SV2B: variants seen among roughly 807,000 people sequenced by gnomAD.
SV2B encodes the protein synaptic vesicle glycoprotein 2B.
In SV2B, 41 loss-of-function variants were observed where a neutral mutation model predicts 73.9. The observed-to-expected ratio is 0.56, with a 90% CI of 0.43 to 0.72. The LOEUF (loss-of-function observed/expected upper bound fraction) is 0.72, where lower values mean the gene tolerates loss of function less well. Among genes scored for constraint, SV2B ranks in the 30% least tolerant of loss-of-function variants. The pLI, the probability that SV2B is intolerant of heterozygous loss-of-function variation, is 0.00. For synonymous variants in SV2B, 314 were observed against 314.2 expected (o/e 1.00, Z 0.01); for missense variants, 764 against 857.8 (o/e 0.89, Z 1.37).
chr15:91,225,170 G>A (rs11630131), intron 1 of SV2B, among the ~76,000 whole-genome samples: 21,487 of 152,230 alleles, frequency 0.14, 1,603 homozygotes, highest in Non-Finnish European at 0.18. Flanking sequence ...GCAGAATTGA[G>A]TTTCAGACCC....
rs1418858510 is a variant in SV2B at position 91,227,448 on chromosome 15, A to G, written c.451+734A>G. 2.6e-5 allele frequency among the ~76,000 whole-genome samples: 4 copies of G among 152,260 alleles called. No homozygotes were observed. Among genetic ancestry groups the G allele is most frequent in the Admixed American group, 2.6e-4 (4 of 15,290 alleles). On this transcript the variant is annotated intron_variant, in intron 2 of 12. Coordinates refer to ENST00000394232, the MANE Select transcript of SV2B (RefSeq NM_001323032.3). The surrounding 1 kb of genome is among the most constrained non-coding windows in gnomAD (Gnocchi z 4.5). The stretch of plus-strand genomic sequence containing the variant: ...TGTGATGTAGAAAAGATTCATCATC[A>G]TATGGACAAGCATTTGTCTTTAGTC...
intron 1 of SV2B, among the ~76,000 whole-genome samples, chr15:91,117,363 G>C (rs1200219422): frequency 6.6e-6 from 1 of 152,242 alleles, no homozygotes; most frequent in Non-Finnish European, 1.5e-5. Flanking sequence ...CACAATGTTG[G>C]ACATATAGCG....
intron 4 of SV2B, among the ~76,000 whole-genome samples, chr15:91,257,075 T>G (rs1403395567): frequency 6.6e-6 from 1 of 152,260 alleles, no homozygotes; most frequent in East Asian, 1.9e-4. Context: ...TCAGAAATAC[T>G]TTATGGCATG....
At chr15:91,200,716 CG>C (rs2141383205) in intron 1 of SV2B, among the ~76,000 whole-genome samples, 1 of 152,094 alleles carries the variant, frequency 6.6e-6, no homozygotes, top group South Asian at 2.1e-4. Flanking sequence ...TGATACCAGA[CG>C]GGGCAGCATA....
Position 91,260,010 on chromosome 15 carries a change from G to A in SV2B, c.919-310G>A, listed in dbSNP as rs80319777. 5.9e-3 allele frequency among the ~76,000 whole-genome samples: 894 copies of A among 152,238 alleles called. 9 individuals are homozygous for A. Among genetic ancestry groups the A allele is most frequent in the African/African-American group, 0.02 (848 of 41,524 alleles). On this transcript the variant is annotated intron_variant, in intron 5 of 12. Coordinates refer to ENST00000394232, the MANE Select transcript of SV2B (RefSeq NM_001323032.3). ...GCCTTATCTCATCAGTGACGAACGT[G>A]CTTCCCACACCACCGTCCATTCAAC...
At chr15:91,114,997 A>G (rs2042138665) in intron 1 of SV2B, among the ~76,000 whole-genome samples, 1 of 152,158 alleles carries the variant, frequency 6.6e-6, no homozygotes, top group African/African-American at 2.4e-5. Flanking sequence ...CTGGGGTCAC[A>G]TGCCCATTCC....
At chr15:91,184,164 A>C (rs1341974524) in intron 1 of SV2B, among the ~76,000 whole-genome samples, 2 of 152,208 alleles carry the variant, frequency 1.3e-5, no homozygotes, top group African/African-American at 4.8e-5. Context: ...AACCTGGCAC[A>C]AAGTCCCGTT....
At chr15:91,159,035 G>A (rs558689973) in intron 1 of SV2B, among the ~76,000 whole-genome samples, 5 of 152,144 alleles carry the variant, frequency 3.3e-5, no homozygotes, top group African/African-American at 4.8e-5. Flanking sequence ...CAGGGTGGCC[G>A]GGCGTGATGA....
chr15:91,166,270 G>C (rs2043908128), intron 1 of SV2B, among the ~76,000 whole-genome samples: 1 of 152,188 alleles, frequency 6.6e-6, no homozygotes, highest in African/African-American at 2.4e-5. Context: ...GATCTTGTCA[G>C]ATGTCTCTGG....
In SV2B at chr15:91,183,745, A is replaced by G. The variant is rs111668746; in HGVS notation, c.-391-42128A>G. ...CAGTCTCAAAGCTGTATAAATGTCAATGAGCAAACAGATCAAAGAAGTAAA... is the reference window on the plus strand; with the variant it reads ...CAGTCTCAAAGCTGTATAAATGTCAGTGAGCAAACAGATCAAAGAAGTAAA... On this transcript the variant is annotated intron_variant, in intron 1 of 12. Transcript: ENST00000394232. Among the ~76,000 whole-genome samples, 1,469 of 152,360 alleles carry G rather than the reference A, an allele frequency of 9.6e-3. 27 individuals are homozygous for G. Among genetic ancestry groups the G allele is most frequent in the African/African-American group, 0.034 (1,400 of 41,576 alleles).
At position 91,105,916 on chromosome 15, in the gene SV2B, G is replaced by T. The variant is rs552051853; in HGVS notation, c.-392+5553G>T. ...ATAAAAAAATTAGCCAGGTGTGGTG[G>T]CACATGCCTGTAGCCCTAGCTACTC... On this transcript the variant is annotated intron_variant, in intron 1 of 12. Coordinates refer to ENST00000394232, the MANE Select transcript of SV2B (RefSeq NM_001323032.3). The surrounding 1 kb of genome is among the most constrained non-coding windows in gnomAD (Gnocchi z 5.5). 6.6e-6 allele frequency among the ~76,000 whole-genome samples: 1 copy of T among 152,182 alleles called. No individual in the cohort carries two copies. The highest frequency in any genetic ancestry group is 6.5e-5 in the Admixed American group (1 of 15,276).
chr15:91,158,723 CCT>C (rs2043600561), intron 1 of SV2B, among the ~76,000 whole-genome samples: 2 of 57,534 alleles, frequency 3.5e-5, no homozygotes, highest in African/African-American at 6.0e-5. Flanking sequence ...CCTCTCCTCT[CCT>C]CTCTTCTCCT....
At chr15:91,215,184 C>T (rs2045983529) in intron 1 of SV2B, among the ~76,000 whole-genome samples, 1 of 152,224 alleles carries the variant, frequency 6.6e-6, no homozygotes, top group Admixed American at 6.5e-5. Context: ...CAGCTTAGCT[C>T]CTGCAAAGAG....
In SV2B at chr15:91,172,175, C is replaced by T. The variant is rs181753397; in HGVS notation, c.-391-53698C>T. ...CTCACTGGGCATTCAGAGCTCTTCT[C>T]GGCCTGGCCACAGCCTATCTTTCCA... On this transcript the variant is annotated intron_variant, in intron 1 of 12. Transcript: ENST00000394232. Among the ~76,000 whole-genome samples, 26 of 152,358 alleles carry T rather than the reference C, an allele frequency of 1.7e-4. 1 individual carries two copies. The highest frequency in any genetic ancestry group is 9.8e-4 in the Admixed American group (15 of 15,308).
intron 1 of SV2B, among the ~76,000 whole-genome samples, chr15:91,212,406 C>T (rs112352950): frequency 6.6e-6 from 1 of 152,162 alleles, no homozygotes; most frequent in Non-Finnish European, 1.5e-5. Flanking sequence ...TGCTGCCTTC[C>T]CACTAAAGTC....
Position 91,278,673 on chromosome 15 carries a change from C to T in SV2B, c.1374-3055C>T, listed in dbSNP as rs1416308685. Among the ~76,000 whole-genome samples, 45 of 55,646 alleles carry T rather than the reference C, an allele frequency of 8.1e-4. 7 individuals are homozygous for T. The highest frequency in any genetic ancestry group is 7.3e-3 in the African/African-American group (37 of 5,060). 36.5% of individuals were successfully genotyped at this position (55,646 alleles called of 152,430 possible). On this transcript the variant is annotated intron_variant, in intron 9 of 12. Transcript: ENST00000394232. Reference sequence around the variant, plus strand: ...CGGCCTGGGCGACAGAGCGAGACTCCGTCTCAAAAAAAAAAAAAAAAAAAA... The same window carrying T: ...CGGCCTGGGCGACAGAGCGAGACTCTGTCTCAAAAAAAAAAAAAAAAAAAA...
chr15:91,147,188 G>T (rs1326437673), intron 1 of SV2B, among the ~76,000 whole-genome samples: 1 of 152,196 alleles, frequency 6.6e-6, no homozygotes, highest in Non-Finnish European at 1.5e-5. Context: ...GTCCCTAAAG[G>T]AATGTGAACG....
chr15:91,145,363 C>T (rs888507277), intron 1 of SV2B, among the ~76,000 whole-genome samples: 1 of 152,162 alleles, frequency 6.6e-6, no homozygotes, highest in African/African-American at 2.4e-5. Context: ...TGTACATGTA[C>T]CACATTTTCT....
At chr15:91,198,859 C>T (rs1434428664) in intron 1 of SV2B, among the ~76,000 whole-genome samples, 1 of 152,194 alleles carries the variant, frequency 6.6e-6, no homozygotes, top group East Asian at 1.9e-4. Context: ...GGGCCGTAAA[C>T]AACAGCAACT....
Sources: allele counts gnomAD v4.1 joint callset (sites outside exome capture counted in the v4.1 genomes callset), GRCh38; gene constraint gnomAD v4.1.1; non-coding constraint Gnocchi (gnomAD v3.1); transcripts MANE v1.5; gene names NCBI Gene and HGNC (gene_info 2026-07-23, HGNC 2026-07-21).